RHEB: variants seen among roughly 807,000 people sequenced by gnomAD.
RHEB encodes Ras homolog, mTORC1 binding, also known as GTP-binding protein Rheb.
Under a neutral mutation model 28.8 loss-of-function variants are expected in RHEB, and 2 were observed. The observed-to-expected ratio is 0.07, with a 90% CI of 0.03 to 0.22. The LOEUF is 0.22. RHEB is among the 10% of genes least tolerant of loss of function. RHEB has a pLI of 1.00. For synonymous variants in RHEB, 69 were observed against 77.3 expected (o/e 0.89, Z 0.56); for missense variants, 76 against 219.9 (o/e 0.35, Z 4.14).
chr7:151,512,733 G>T (rs1803013039), intron 1 of RHEB, among the ~76,000 whole-genome samples: 2 of 152,204 alleles, frequency 1.3e-5, no homozygotes, highest in South Asian at 4.1e-4. Flanking sequence ...ATTCGATTTT[G>T]CACAGCAGTG....
intron 4 of RHEB, among the ~76,000 whole-genome samples, chr7:151,474,815 A>G (rs141457810): frequency 7.7e-4 from 118 of 152,372 alleles, no homozygotes; most frequent in African/African-American, 2.8e-3. Context: ...GTTAAATTCA[A>G]TAAAAAGGAT....
chr7:151,517,278 G>C (rs970556770), intron 1 of RHEB, among the ~76,000 whole-genome samples: 1 of 150,560 alleles, frequency 6.6e-6, no homozygotes, highest in African/African-American at 2.4e-5. Context: ...TGAGGCAGGA[G>C]AATCGCTTGA....
intron 1 of RHEB, chr7:151,502,016 A>G: frequency 4.1e-6 from 2 of 486,442 alleles, no homozygotes; most frequent in Non-Finnish European, 7.7e-6. Context: ...CGGGCAGATC[A>G]CCTGAGGTCA....
At chr7:151,476,021 C>CA (rs1234550005) in intron 4 of RHEB, among the ~76,000 whole-genome samples, 3 of 152,128 alleles carry the variant, frequency 2.0e-5, no homozygotes, top group African/African-American at 7.2e-5. Flanking sequence ...CTATTTTTCA[C>CA]AGTTCCTCAA....
chr7:151,512,812 C>A (rs1803014316), intron 1 of RHEB, among the ~76,000 whole-genome samples: 1 of 152,152 alleles, frequency 6.6e-6, no homozygotes, highest in South Asian at 2.1e-4. Flanking sequence ...AAGGGGTTTA[C>A]CAAAATCTTT....
intron 1 of RHEB, among the ~76,000 whole-genome samples, chr7:151,508,279 C>T (rs1424504074): frequency 2.0e-5 from 3 of 152,086 alleles, no homozygotes; most frequent in Non-Finnish European, 4.4e-5. Flanking sequence ...TATACTCATC[C>T]GTCAGCCTGA....
chr7:151,483,529 G>T (rs1802414440), intron 3 of RHEB, among the ~76,000 whole-genome samples: 1 of 152,176 alleles, frequency 6.6e-6, no homozygotes, highest in African/African-American at 2.4e-5. Flanking sequence ...GACCAGCCAG[G>T]CCAATATGGC....
At chr7:151,470,524 C>A (rs767895658) in intron 7 of RHEB, 47 bp downstream of exon 7, 7 of 1,313,362 alleles carry the variant, frequency 5.3e-6, no homozygotes, top group African/African-American at 1.4e-5. Context: ...CACATCCCTG[C>A]GACTGATGAG....
chr7:151,478,413 TAA>T (rs199807749), intron 3 of RHEB, among the ~76,000 whole-genome samples: 35 of 151,504 alleles, frequency 2.3e-4, no homozygotes, highest in African/African-American at 8.0e-4. Flanking sequence ...AAAGAAAAAT[TAA>T]GTTTTATTAT....
chr7:151,483,645 G>A (rs1802417209), intron 3 of RHEB, among the ~76,000 whole-genome samples: 1 of 152,160 alleles, frequency 6.6e-6, no homozygotes, highest in Admixed American at 6.5e-5. Flanking sequence ...TAACTCAGGA[G>A]GCACAGGTTG....
intron 1 of RHEB, among the ~76,000 whole-genome samples, chr7:151,516,473 A>T (rs1272236632): frequency 2.6e-5 from 4 of 151,802 alleles, no homozygotes; most frequent in Non-Finnish European, 5.9e-5. Flanking sequence ...AAATACAAAA[A>T]TTAGCTGGGC....
chr7:151,478,353 C>T (rs543554457), intron 3 of RHEB, among the ~76,000 whole-genome samples: 2 of 149,674 alleles, frequency 1.3e-5, no homozygotes, highest in African/African-American at 4.9e-5. Context: ...TTATGACAGC[C>T]CAGAATTACT....
rs1039694849 is a variant in RHEB, at chr7:151,519,866, G to C, written c.-355C>G. 3 of 201,232 alleles carry C rather than the reference G, an allele frequency of 1.5e-5. No homozygotes were observed. Among genetic ancestry groups the C allele is most frequent in the African/African-American group, 2.3e-5 (1 of 43,060 alleles). The allele number at this position is 201,232 out of a possible 1,614,324, so 12.5% of individuals were successfully genotyped here. A position where few individuals can be genotyped will look rare whatever the true frequency, so the allele number is the denominator to read the frequency against. Reference sequence around the variant, plus strand: ...GCCGCGATGCCCCCAGAAAAGTCACGACTGAAACTCGCTGCGTCATGACCC... The same window carrying C: ...GCCGCGATGCCCCCAGAAAAGTCACCACTGAAACTCGCTGCGTCATGACCC... On this transcript the variant is annotated 5_prime_UTR_variant, in exon 1 of 8. Transcript: ENST00000262187.
intron 4 of RHEB, among the ~76,000 whole-genome samples, chr7:151,474,178 G>GT (rs1000859226): frequency 9.6e-6 from 1 of 104,284 alleles, no homozygotes; most frequent in Admixed American, 1.0e-4. Context: ...AACCAGTGTT[G>GT]TTTTTTTGTT....
intron 7 of RHEB, among the ~76,000 whole-genome samples, chr7:151,467,486 C>A (rs1802087397): frequency 6.6e-6 from 1 of 151,670 alleles, no homozygotes; most frequent in Admixed American, 6.6e-5. Flanking sequence ...CCCAGACTCA[C>A]CACCATCTCC....
intron 1 of RHEB, among the ~76,000 whole-genome samples, chr7:151,492,323 A>C (rs992836628): frequency 6.6e-6 from 1 of 152,128 alleles, no homozygotes; most frequent in Non-Finnish European, 1.5e-5. Context: ...GCTTAAAAGT[A>C]GTGGTTGCTG....
At chr7:151,508,486 C>A (rs1408681181) in intron 1 of RHEB, among the ~76,000 whole-genome samples, 1 of 152,038 alleles carries the variant, frequency 6.6e-6, no homozygotes, top group Non-Finnish European at 1.5e-5. Context: ...GTAAGTATGA[C>A]AAATGTACAA....
chr7:151,519,531 C>A lies in RHEB; in HGVS notation c.-20G>T. The A allele has an allele frequency of 1.9e-6, 3 of 1,539,604 alleles. No individual in the cohort carries two copies. Among genetic ancestry groups the A allele is most frequent in the South Asian group, 1.2e-5 (1 of 83,914 alleles). Reference sequence around the variant, plus strand: ...CGGCATCTTGGCGGCCTCCTCAGCCCCGGCCCAACCACATCAACCGCGGCG... The same window carrying A: ...CGGCATCTTGGCGGCCTCCTCAGCCACGGCCCAACCACATCAACCGCGGCG... On this transcript the variant is annotated 5_prime_UTR_variant, in exon 1 of 8. Transcript: ENST00000262187.
chr7:151,517,469 G>C lies in RHEB; in HGVS notation c.52+1991C>G, dbSNP rs1356271826. ...CGCTTGAAAATAAATATGGAGAAGTGGGGTAGGTTGCAGAAATATGAAATA... is the reference window on the plus strand; with the variant it reads ...CGCTTGAAAATAAATATGGAGAAGTCGGGTAGGTTGCAGAAATATGAAATA... On this transcript the variant is annotated intron_variant, in intron 1 of 7. Transcript: ENST00000262187. Among the ~76,000 whole-genome samples the C allele has an allele frequency of 3.3e-5, 5 of 151,950 alleles. No individual in the cohort carries two copies. The East Asian group carries it at 9.6e-4, about 29-fold the overall frequency.
Sources: gnomAD v4.1 joint callset for allele counts (sites outside exome capture counted in the v4.1 genomes callset) on GRCh38, gnomAD v4.1.1 for gene constraint, MANE v1.5 for transcripts, NCBI Gene and HGNC (gene_info 2026-07-23, HGNC 2026-07-21) for gene names.